ZNF462: variants seen among roughly 807,000 people sequenced by gnomAD.
ZNF462 encodes zinc finger protein 462.
Under a neutral mutation model 201.9 loss-of-function variants are expected in ZNF462, and 10 were observed. That is an observed-to-expected ratio of 0.05 (90% CI 0.03 to 0.08). The LOEUF is 0.08. Among genes scored for constraint, ZNF462 ranks in the 10% least tolerant of loss-of-function variants. ZNF462 has a pLI of 1.00. For missense variants in ZNF462, 2,523 were observed against 3,168.3 expected (o/e 0.80, Z 4.89); for synonymous variants, 1,227 against 1,193.3 (o/e 1.03, Z -0.58).
chr9:106,975,105 A>C (rs775684882), intron 9 of ZNF462: 1 of 152,240 alleles, frequency 6.6e-6, no homozygotes, highest in Non-Finnish European at 1.5e-5. Context: ...TTTCGTCCTG[A>C]AAAGATTCAA....
At position 106,923,043 on chromosome 9, in the gene ZNF462, C is replaced by G. The variant is rs958731405; in HGVS notation, c.-30-311C>G. Among the ~76,000 whole-genome samples the G allele has an allele frequency of 1.3e-5, 2 of 152,212 alleles. No homozygotes were observed. The highest frequency in any genetic ancestry group is 2.9e-5 in the Non-Finnish European group (2 of 68,032). On this transcript the variant is annotated intron_variant, in intron 1 of 12. Transcript: ENST00000277225. This position sits in a 1 kb window ranked among gnomAD's most constrained non-coding sequence, Gnocchi z 5.6. ...ATTAAGTTACCAAGAAATTTGGATT[C>G]AGTGGAGAAGCTCAGAAACTTCTAA... is the stretch of plus-strand genomic sequence containing the variant.
At chr9:106,979,741 T>C (rs899407665) in intron 9 of ZNF462, among the ~76,000 whole-genome samples, 9 of 147,264 alleles carry the variant, frequency 6.1e-5, no homozygotes, top group African/African-American at 2.4e-4. Flanking sequence ...AGCACAATGT[T>C]TCATGCTTAG....
At chr9:106,860,980 C>T (rs1587956266), upstream of ZNF462, among the ~76,000 whole-genome samples, 1 of 151,992 alleles carries the variant, frequency 6.6e-6, no homozygotes, top group East Asian at 1.9e-4. The surrounding 1 kb of genome is among the most constrained non-coding windows in gnomAD (Gnocchi z 7.1). Context: ...CCCCTTTCGC[C>T]TCTGTCCTTT....
chr9:106,895,416 T>C lies in ZNF462; in HGVS notation c.-30-27938T>C, dbSNP rs1293000378. The stretch of plus-strand genomic sequence containing the variant: ...TCGTCTGGCCCAGGCTTCCTTTATC[T>C]CTTCCCTGGACCATCTCAGCAGCTG... On this transcript the variant is annotated intron_variant, in intron 1 of 12. Coordinates refer to ENST00000277225, the MANE Select transcript of ZNF462 (RefSeq NM_021224.6). This position sits in a 1 kb window ranked among gnomAD's most constrained non-coding sequence, Gnocchi z 4.4. 6.6e-6 allele frequency among the ~76,000 whole-genome samples: 1 copy of C among 152,192 alleles called. No homozygotes were observed. Among genetic ancestry groups the C allele is most frequent in the Non-Finnish European group, 1.5e-5 (1 of 68,034 alleles).
chr9:106,888,730 C>T (rs1375126789), intron 1 of ZNF462, among the ~76,000 whole-genome samples: 1 of 152,194 alleles, frequency 6.6e-6, no homozygotes, highest in East Asian at 1.9e-4. Context: ...TTTCTAAGAT[C>T]CTGGTGTTCA....
chr9:107,009,678 G>A lies in ZNF462; in HGVS notation c.7313+10G>A. The A allele has an allele frequency of 6.9e-7, 1 of 1,452,798 alleles. No individual in the cohort carries two copies. The allele number at this position is 1,452,798 out of a possible 1,614,324, so 90.0% of individuals were successfully genotyped here. ...TGCTGAGACACGGCATGTAAGTTGG[G>A]CCACTTCAAGGATGCCTTTGTCCAA... is the stretch of plus-strand genomic sequence containing the variant. On this transcript the variant is annotated intron_variant, in intron 12 of 12. Transcript: ENST00000277225. The surrounding 1 kb of genome is among the most constrained non-coding windows in gnomAD (Gnocchi z 6.1).
At chr9:106,896,329 G>A (rs959453289) in intron 1 of ZNF462, among the ~76,000 whole-genome samples, 7 of 152,154 alleles carry the variant, frequency 4.6e-5, no homozygotes, top group African/African-American at 1.4e-4. Context: ...TGGCTCAATC[G>A]AAAATGATTT....
At chr9:106,863,012 A>G (rs1178507317), upstream of ZNF462, 7 of 393,848 alleles carry the variant, frequency 1.8e-5, no homozygotes, top group Admixed American at 8.9e-5. Flanking sequence ...AGAGAGACAC[A>G]GAGGGAGGGA....
At position 106,876,470 on chromosome 9, in the gene ZNF462, G is replaced by A. The variant is rs960312044; in HGVS notation, c.-31+13115G>A. ...TCCTGCTTGTTTAATTTTGTGCTGT[G>A]TGTCCCTTTACTGATGAGTAGTCTT... On this transcript the variant is annotated intron_variant, in intron 1 of 12. Transcript: ENST00000277225. This position sits in a 1 kb window ranked among gnomAD's most constrained non-coding sequence, Gnocchi z 4.9. Among the ~76,000 whole-genome samples, 2 of 152,102 alleles carry A rather than the reference G, an allele frequency of 1.3e-5. No homozygotes were observed. Among genetic ancestry groups the A allele is most frequent in the Non-Finnish European group, 2.9e-5 (2 of 68,018 alleles).
intron 1 of ZNF462, among the ~76,000 whole-genome samples, chr9:106,898,254 C>A (rs1828895658): frequency 2.0e-5 from 3 of 152,136 alleles, no homozygotes; most frequent in Non-Finnish European, 4.4e-5. Context: ...AAGAAACTCA[C>A]AATGCGCTGT....
At position 106,928,218 on chromosome 9, in the gene ZNF462, C is replaced by T. The variant is rs1222347169; in HGVS notation, c.4306C>T (p.Pro1436Ser). Residue 1436 changes from proline (P) to serine (S), a missense_variant, in exon 3 of 13, where the codon CCT becomes TCT. This residue lies in a region of ZNF462 where 165 missense variants were observed against 142.6 expected (regional missense o/e 1.16). Transcript: ENST00000277225. This position sits in a 1 kb window ranked among gnomAD's most constrained non-coding sequence, Gnocchi z 9.3. Reference sequence around the variant, plus strand: ...GAATTGTGAAAACAGTATACCCACCCCTTTCCCGGAGCAGGAAGCTGAATG... The same window carrying T: ...GAATTGTGAAAACAGTATACCCACCTCTTTCCCGGAGCAGGAAGCTGAATG... ...PVNCENSIPT[P>S]FPEQEAECPE... 6.2e-7 allele frequency: 1 copy of T among 1,614,160 alleles called. No individual in the cohort carries two copies.
In ZNF462 at chr9:106,933,249, T is replaced by G. The variant is rs1290015404; in HGVS notation, c.6116+700T>G. 6.6e-6 allele frequency: 1 copy of G among 152,450 alleles called. No individual in the cohort carries two copies. The highest frequency in any genetic ancestry group is 2.4e-5 in the African/African-American group (1 of 41,456). The allele number at this position is 152,450 out of a possible 1,614,324, so 9.4% of individuals were successfully genotyped here. A position where few individuals can be genotyped will look rare whatever the true frequency, so the allele number is the denominator to read the frequency against. The stretch of plus-strand genomic sequence containing the variant: ...ATAAAGGTGACTAAGACTGACATGC[T>G]TTTTAAAACAATTTTTTTAATGAAA... On this transcript the variant is annotated intron_variant, in intron 5 of 12. Coordinates refer to ENST00000277225, the MANE Select transcript of ZNF462 (RefSeq NM_021224.6). This position sits in a 1 kb window ranked among gnomAD's most constrained non-coding sequence, Gnocchi z 4.3.
At chr9:106,871,692 C>T (rs1479969412) in intron 1 of ZNF462, among the ~76,000 whole-genome samples, 3 of 152,148 alleles carry the variant, frequency 2.0e-5, no homozygotes, top group Non-Finnish European at 2.9e-5. Context: ...TTTGGGGTTA[C>T]AATTACAGCC....
In ZNF462 at chr9:107,003,434, T is replaced by A. The variant is rs750973456; in HGVS notation, c.7189+8T>A. The stretch of plus-strand genomic sequence containing the variant: ...GCAAGGCTGAAGACAGAGGTTAGTC[T>A]CATCCTGCCCTCCCAATCCCAGATG... On this transcript the variant is annotated splice_region_variant and intron_variant, in intron 11 of 12. Transcript: ENST00000277225. The surrounding 1 kb of genome is among the most constrained non-coding windows in gnomAD (Gnocchi z 4.4). 6.2e-7 allele frequency: 1 copy of A among 1,612,726 alleles called. No homozygotes were observed. Among genetic ancestry groups the A allele is most frequent in the South Asian group, 1.1e-5 (1 of 90,922 alleles).
In ZNF462 at chr9:106,954,876, T is replaced by C. The variant is rs1831507777; in HGVS notation, c.6427+15769T>C. On this transcript the variant is annotated intron_variant, in intron 7 of 12. Transcript: ENST00000277225. The surrounding 1 kb of genome is among the most constrained non-coding windows in gnomAD (Gnocchi z 4.0). ...GGGAGCTCTTTAGGAGCAGGGTTTT[T>C]GTTATTTTTTTATTCTGAACAATGA... Among the ~76,000 whole-genome samples the C allele has an allele frequency of 6.6e-6, 1 of 152,164 alleles. No homozygotes were observed.
At position 106,876,754 on chromosome 9, in the gene ZNF462, G is replaced by A. The variant is rs1190585028; in HGVS notation, c.-31+13399G>A. 6.6e-6 allele frequency among the ~76,000 whole-genome samples: 1 copy of A among 152,158 alleles called. No homozygotes were observed. The highest frequency in any genetic ancestry group is 1.5e-5 in the Non-Finnish European group (1 of 68,028). On this transcript the variant is annotated intron_variant, in intron 1 of 12. Transcript: ENST00000277225. This position sits in a 1 kb window ranked among gnomAD's most constrained non-coding sequence, Gnocchi z 4.9. Reference sequence around the variant, plus strand: ...AGTTTTCTGAGCTTTTCAGAAGAAAGATGTTATTACTGTTCCTATTGTTTG... The same window carrying A: ...AGTTTTCTGAGCTTTTCAGAAGAAAAATGTTATTACTGTTCCTATTGTTTG...
chr9:106,960,124 G>A (rs1588119695), intron 7 of ZNF462, among the ~76,000 whole-genome samples: 1 of 152,220 alleles, frequency 6.6e-6, no homozygotes, highest in East Asian at 1.9e-4. Flanking sequence ...GCTCATTCTT[G>A]TTCTTGATCA....
At chr9:106,882,065 A>G (rs1828121827) in intron 1 of ZNF462, among the ~76,000 whole-genome samples, 1 of 152,180 alleles carries the variant, frequency 6.6e-6, no homozygotes. Flanking sequence ...CCTCTAGTCC[A>G]GTGTGCAACT....
chr9:106,873,802 T>C (rs1827706609), intron 1 of ZNF462, among the ~76,000 whole-genome samples: 1 of 152,150 alleles, frequency 6.6e-6, no homozygotes, highest in African/African-American at 2.4e-5. Context: ...GATCCAGATA[T>C]CCCTACGGTA....
Sources: gnomAD v4.1 joint callset for allele counts (sites outside exome capture counted in the v4.1 genomes callset) on GRCh38, gnomAD v4.1.1 for gene constraint, gnomAD v4.1.1 regional missense constraint, Gnocchi (gnomAD v3.1) non-coding constraint, MANE v1.5 for transcripts, NCBI Gene and HGNC (gene_info 2026-07-23, HGNC 2026-07-21) for gene names.